AKT2: variants seen among roughly 807,000 people sequenced by gnomAD.
AKT2 encodes the protein RAC-beta serine/threonine-protein kinase.
A neutral mutation model predicts 58.6 loss-of-function variants in AKT2; 16 were observed. That is an observed-to-expected ratio of 0.27 (90% CI 0.18 to 0.41). The LOEUF is 0.41. AKT2 is among the 10% of genes least tolerant of loss of function. AKT2 has a pLI of 1.00. For missense variants in AKT2, 438 were observed against 661.0 expected, an observed-to-expected ratio of 0.66 and a Z score of 3.70; for synonymous variants, 253 against 254.0, an observed-to-expected ratio of 1.00 and a Z score of 0.04.
chr19:40,262,960 A>C (rs1401744776), intron 2 of AKT2, among the ~76,000 whole-genome samples: 1 of 152,210 alleles, frequency 6.6e-6, no homozygotes, highest in Non-Finnish European at 1.5e-5. Context: ...AAAGATGGGC[A>C]CTGGGAAGGC....
intron 1 of AKT2, among the ~76,000 whole-genome samples, chr19:40,271,423 T>A (rs1290922644): frequency 1.4e-4 from 18 of 124,294 alleles, no homozygotes; most frequent in African/African-American, 4.8e-4. Flanking sequence ...CCAGACCCTG[T>A]CTCAAAAAAA....
chr19:40,234,335 T>A lies in AKT2; in HGVS notation c.1367-384A>T, dbSNP rs542494855. The A allele has an allele frequency of 7.4e-6, 2 of 271,826 alleles. No individual in the cohort carries two copies. The highest frequency in any genetic ancestry group is 1.6e-4 in the South Asian group (2 of 12,770). 16.8% of individuals were successfully genotyped at this position (271,826 alleles called of 1,614,324 possible). A position where few individuals can be genotyped will look rare whatever the true frequency, so the allele number is the denominator to read the frequency against. On this transcript the variant is annotated intron_variant, in intron 13 of 13. Coordinates refer to ENST00000392038, the MANE Select transcript of AKT2 (RefSeq NM_001626.6). The surrounding 1 kb of genome is among the most constrained non-coding windows in gnomAD (Gnocchi z 4.7). ...GCTTTCTAAAGGCCTGCTTTAACCC[T>A]GTCCCTCTCTGTATGAAACCCTTCC... is the stretch of plus-strand genomic sequence containing the variant.
At chr19:40,256,116 T>C (rs567632746) in intron 3 of AKT2, among the ~76,000 whole-genome samples, 1 of 152,196 alleles carries the variant, frequency 6.6e-6, no homozygotes, top group East Asian at 1.9e-4. Context: ...TGGGGAGATG[T>C]GTCCAAGGAG....
In AKT2 at chr19:40,237,921, T is replaced by G. The variant is rs760887362; in HGVS notation, c.831+48A>C. ...CCCAACTTCCCCAGTGTGAGTCCCA[T>G]GTGGTGTGCATGCCACAGGTCAGCC... On this transcript the variant is annotated intron_variant, in intron 9 of 13. Transcript: ENST00000392038. This position sits in a 1 kb window ranked among gnomAD's most constrained non-coding sequence, Gnocchi z 4.5. The G allele has an allele frequency of 1.2e-6, 2 of 1,608,934 alleles. No homozygotes were observed. The highest frequency in any genetic ancestry group is 1.7e-6 in the Non-Finnish European group (2 of 1,178,316).
chr19:40,241,410 G>C (rs995727902), intron 6 of AKT2: 6 of 214,054 alleles, frequency 2.8e-5, no homozygotes, highest in East Asian at 1.2e-4. Context: ...AAGTATTCCA[G>C]AACAAGAGGG....
rs192497953 is a variant in AKT2, at chr19:40,235,777, C to T, written c.1175+113G>A. On this transcript the variant is annotated intron_variant, in intron 11 of 13. Coordinates refer to ENST00000392038, the MANE Select transcript of AKT2 (RefSeq NM_001626.6). The surrounding 1 kb of genome is among the most constrained non-coding windows in gnomAD (Gnocchi z 6.3). ...GACGTTTTCAGGGGCTGTGTGGGGACGACACACTGCGACCCTACAAGCGAG... is the reference window on the plus strand; with the variant it reads ...GACGTTTTCAGGGGCTGTGTGGGGATGACACACTGCGACCCTACAAGCGAG... The T allele has an allele frequency of 3.9e-3, 4,382 of 1,131,100 alleles. 10 individuals carry two copies. Among genetic ancestry groups the T allele is most frequent in the Non-Finnish European group, 4.7e-3 (3,789 of 809,610 alleles). The allele number at this position is 1,131,100 out of a possible 1,614,324, so 70.1% of individuals were successfully genotyped here.
At chr19:40,257,132 G>C in intron 2 of AKT2, 78 bp from the exon 3 acceptor site, 2 of 1,557,500 alleles carry the variant, frequency 1.3e-6, no homozygotes, top group Non-Finnish European at 1.8e-6. Context: ...AGGAGGCCCA[G>C]TGTGACGGTG....
At chr19:40,240,279 C>T (rs995822491) in intron 6 of AKT2, 169 bp from the exon 7 acceptor site, 5 of 810,504 alleles carry the variant, frequency 6.2e-6, no homozygotes, top group African/African-American at 1.7e-5. Context: ...AAATAGCAGA[C>T]CCAGACGAGG....
rs1198464652 is a variant in AKT2, at chr19:40,231,312, C to G, written c.*2560G>C. ...ATCACCATGGTGTGAGGAGCAGCAA[C>G]GTGGGTCAACTCGGGGCTGGGACGA... is the stretch of plus-strand genomic sequence containing the variant. On this transcript the variant is annotated 3_prime_UTR_variant, in exon 14 of 14. Transcript: ENST00000392038. 1 of 232,402 alleles carries G rather than the reference C, an allele frequency of 4.3e-6. No homozygotes were observed. The highest frequency in any genetic ancestry group is 2.2e-5 in the African/African-American group (1 of 45,276). 14.4% of individuals were successfully genotyped at this position (232,402 alleles called of 1,614,324 possible). A position where few individuals can be genotyped will look rare whatever the true frequency, so the allele number is the denominator to read the frequency against.
At chr19:40,250,975 G>A (rs1203255139) in intron 4 of AKT2, among the ~76,000 whole-genome samples, 1 of 152,166 alleles carries the variant, frequency 6.6e-6, no homozygotes, top group Non-Finnish European at 1.5e-5. Flanking sequence ...GGTGGAGGAG[G>A]GAGGATTGCT....
At chr19:40,248,918 T>G (rs1213796032) in intron 4 of AKT2, among the ~76,000 whole-genome samples, 1 of 71,090 alleles carries the variant, frequency 1.4e-5, no homozygotes, top group Non-Finnish European at 2.8e-5. Flanking sequence ...GAGAGAGGAG[T>G]GCAGGAGATG....
Position 40,236,290 on chromosome 19 carries a change from G to A in AKT2, c.927C>T (p.Thr309=), listed in dbSNP as rs1176971688. ...CCAGGTACTCCGGGGTCCCACAGAA[G>A]GTTTTCATGGTGGCCCCGTCACTGA... ...EGISDGATMK[T]FCGTPEYLAP... Residue 309 remains threonine, a synonymous_variant, in exon 10 of 14, where the codon ACC becomes ACT. Coordinates refer to ENST00000392038, the MANE Select transcript of AKT2 (RefSeq NM_001626.6). 1.4e-5 allele frequency: 23 copies of A among 1,614,114 alleles called. No homozygotes were observed. Among genetic ancestry groups the A allele is most frequent in the East Asian group, 2.2e-5 (1 of 44,884 alleles).
chr19:40,254,261 G>T (rs769404321), intron 4 of AKT2, among the ~76,000 whole-genome samples: 22 of 152,174 alleles, frequency 1.4e-4, no homozygotes, highest in Non-Finnish European at 1.5e-5. Context: ...TGCCGGGCAG[G>T]GTGGCTCACA....
intron 1 of AKT2, chr19:40,269,573 T>C (rs1397796245): frequency 1.3e-5 from 2 of 152,160 alleles, no homozygotes; most frequent in African/African-American, 4.8e-5. Flanking sequence ...GCTCAATATA[T>C]GCCTATCCCA....
Position 40,233,968 on chromosome 19 carries a change from TG to T in AKT2, c.1367-18del, listed in dbSNP as rs1243846726. 7 of 1,608,062 alleles carry T rather than the reference TG, an allele frequency of 4.4e-6. No individual in the cohort carries two copies. The highest frequency in any genetic ancestry group is 5.9e-6 in the Non-Finnish European group (7 of 1,179,490). ...GGCTGTCATCTGTGGGCGGCAGAGG[TG>T]GATGGGGAGGACCAGTCAGGAGAGG... On this transcript the variant is annotated intron_variant, in intron 13 of 13. Transcript: ENST00000392038. The surrounding 1 kb of genome is among the most constrained non-coding windows in gnomAD (Gnocchi z 4.3).
chr19:40,258,255 A>C (rs535376787), intron 2 of AKT2, among the ~76,000 whole-genome samples: 22 of 151,096 alleles, frequency 1.5e-4, no homozygotes, highest in East Asian at 3.9e-4. Flanking sequence ...GAAAAAAAAA[A>C]AAAAAAAACA....
chr19:40,265,172 G>A lies in AKT2; in HGVS notation c.46+50C>T, dbSNP rs201499127. The A allele has an allele frequency of 2.1e-5, 34 of 1,597,448 alleles. No individual in the cohort carries two copies. In the East Asian group the frequency reaches 7.6e-4, roughly 36 times the overall value. On this transcript the variant is annotated intron_variant, in intron 2 of 13. Coordinates refer to ENST00000392038, the MANE Select transcript of AKT2 (RefSeq NM_001626.6). ...TGCCTCTCAGGGCACAGCTTTCCAG[G>A]AGGAGCCAGCGTGGGAGAAAGAATC...
At chr19:40,251,369 C>T (rs1333233412) in intron 4 of AKT2, among the ~76,000 whole-genome samples, 1 of 152,084 alleles carries the variant, frequency 6.6e-6, no homozygotes, top group Admixed American at 6.5e-5. Flanking sequence ...TGGTCATGTT[C>T]CAATAAAACT....
At chr19:40,256,904 A>T in intron 3 of AKT2, 22 bp downstream of exon 3, 1 of 1,613,864 alleles carries the variant, frequency 6.2e-7, no homozygotes, top group Non-Finnish European at 8.5e-7. Context: ...CAGAACACTG[A>T]CCCACTCATC....
Sources: allele counts gnomAD v4.1 joint callset (sites outside exome capture counted in the v4.1 genomes callset), GRCh38; gene constraint gnomAD v4.1.1; non-coding constraint Gnocchi (gnomAD v3.1); transcripts MANE v1.5; gene names NCBI Gene and HGNC (gene_info 2026-07-23, HGNC 2026-07-21).